The following SPECC1 variants were observed in gnomAD, a reference collection of about 807,000 sequenced individuals.
SPECC1 encodes cytospin-B.
SPECC1 carries 62 observed loss-of-function variants against 104.1 expected under a neutral mutation model. The observed-to-expected ratio is 0.60, with a 90% CI of 0.49 to 0.74. SPECC1 has a LOEUF of 0.74. Among genes scored for constraint, SPECC1 ranks in the 30% least tolerant of loss-of-function variants. SPECC1 has a pLI of 0.00. For synonymous variants in SPECC1, 513 were observed against 501.6 expected (o/e 1.02, Z -0.30); for missense variants, 1,306 against 1,310.5 (o/e 1.00, Z 0.05).
At chr17:20,022,216 C>G (rs997012881) in intron 1 of SPECC1, among the ~76,000 whole-genome samples, 1 of 152,170 alleles carries the variant, frequency 6.6e-6, no homozygotes, top group Non-Finnish European at 1.5e-5. Flanking sequence ...GCTGGGATTA[C>G]AGGTGTGAGC....
chr17:20,202,535 C>A (rs569258557), intron 3 of SPECC1, among the ~76,000 whole-genome samples: 5 of 152,224 alleles, frequency 3.3e-5, no homozygotes, highest in African/African-American at 4.8e-5. Flanking sequence ...GCAAACAGAC[C>A]ATGTAAACTT....
At chr17:20,278,502 A>G (rs961593098) in intron 12 of SPECC1, among the ~76,000 whole-genome samples, 4 of 152,202 alleles carry the variant, frequency 2.6e-5, no homozygotes, top group East Asian at 1.9e-4. Context: ...TACAACATGC[A>G]GGAGAAAGTG....
At chr17:20,292,416 C>T (rs1286706782) in intron 12 of SPECC1, among the ~76,000 whole-genome samples, 1 of 151,998 alleles carries the variant, frequency 6.6e-6, no homozygotes, top group Non-Finnish European at 1.5e-5. Context: ...CTGCAACCTC[C>T]ACCTCCCAGG....
At chr17:20,119,267 G>T (rs1165364711) in intron 3 of SPECC1, among the ~76,000 whole-genome samples, 1 of 152,062 alleles carries the variant, frequency 6.6e-6, no homozygotes, top group Non-Finnish European at 1.5e-5. Context: ...TTTTGAGACG[G>T]AGTTTCGCTC....
intron 3 of SPECC1, chr17:20,156,279 C>G: frequency 8.2e-7 from 1 of 1,213,654 alleles, no homozygotes; most frequent in Non-Finnish European, 1.0e-6. Context: ...CGCAACCCCA[C>G]CCCCCCTCCA....
intron 14 of SPECC1, 80 bp downstream of exon 14, chr17:20,306,162 G>A (rs758793838): frequency 3.3e-5 from 44 of 1,319,634 alleles, no homozygotes; most frequent in Non-Finnish European, 4.8e-5. Context: ...ACAGTTTCTC[G>A]TAGAACATTG....
intron 1 of SPECC1, among the ~76,000 whole-genome samples, chr17:20,010,913 T>G (rs76012736): frequency 6.6e-6 from 1 of 152,180 alleles, no homozygotes; most frequent in Admixed American, 6.5e-5. Context: ...CCAAATGCTT[T>G]TGTGTAGCAT....
chr17:20,015,817 C>T (rs1298360153), intron 1 of SPECC1, among the ~76,000 whole-genome samples: 1 of 149,824 alleles, frequency 6.7e-6, no homozygotes, highest in African/African-American at 2.4e-5. Context: ...ATCTCCTGAC[C>T]TCGTGATCCG....
At chr17:20,185,656 G>A (rs1444916780) in intron 3 of SPECC1, among the ~76,000 whole-genome samples, 2 of 151,920 alleles carry the variant, frequency 1.3e-5, no homozygotes, top group African/African-American at 4.8e-5. Context: ...TGGCAGGAAT[G>A]TAAGGGTTAG....
intron 12 of SPECC1, among the ~76,000 whole-genome samples, chr17:20,292,226 C>T (rs971033645): frequency 6.6e-6 from 1 of 152,034 alleles, no homozygotes; most frequent in Non-Finnish European, 1.5e-5. Context: ...GTTAGAGGCC[C>T]TCCTTGTTTT....
At chr17:20,272,716 C>G (rs1263807631) in intron 12 of SPECC1, among the ~76,000 whole-genome samples, 2 of 152,164 alleles carry the variant, frequency 1.3e-5, no homozygotes, top group Non-Finnish European at 2.9e-5. Context: ...TCAAAATTTC[C>G]TTCCTTTTTA....
chr17:20,283,744 A>G (rs57318765), intron 12 of SPECC1, among the ~76,000 whole-genome samples: 2,597 of 151,802 alleles, frequency 0.017, 73 homozygotes, highest in African/African-American at 0.059. Context: ...ATGCCACCAC[A>G]TTTGGCTAAT....
intron 1 of SPECC1, among the ~76,000 whole-genome samples, chr17:20,078,898 T>C (rs889979313): frequency 2.0e-5 from 3 of 152,210 alleles, no homozygotes; most frequent in Non-Finnish European, 2.9e-5. Context: ...TATACTTCTG[T>C]GTTTGAATAT....
rs868682656 is a variant in SPECC1, at chr17:20,058,839, T to C, written c.-21-37792T>C. The stretch of plus-strand genomic sequence containing the variant: ...CATTTATTGTTCACTTTATTTCTTT[T>C]TTTTTTTTTTTTTTTTTTGAGACAG... On this transcript the variant is annotated intron_variant, in intron 1 of 14. Transcript: ENST00000395527. Among the ~76,000 whole-genome samples the C allele has an allele frequency of 2.4e-4, 34 of 139,606 alleles. 1 individual carries two copies. The South Asian group carries it at 3.9e-3, about 16-fold the overall frequency. 91.6% of individuals were successfully genotyped at this position (139,606 alleles called of 152,430 possible). A position where few individuals can be genotyped will look rare whatever the true frequency, so the allele number is the denominator to read the frequency against.
rs1298355380 is a variant in SPECC1 at position 20,135,263 on chromosome 17, A to C, written c.283+24701A>C. On this transcript the variant is annotated intron_variant, in intron 3 of 14. Coordinates refer to ENST00000395527, the MANE Select transcript of SPECC1 (RefSeq NM_001243439.2). ...TTACAGTACAGATGGTCAGAGTAGA[A>C]GTGTGTACTCTTGATACTTCCCTCT... Among the ~76,000 whole-genome samples the C allele has an allele frequency of 9.9e-5, 15 of 152,198 alleles. No homozygotes were observed. The East Asian group carries it at 1.3e-3, about 14-fold the overall frequency.
At position 20,232,184 on chromosome 17, in the gene SPECC1, G is replaced by A. The variant is rs753800257; in HGVS notation, c.2146-16G>A. Reference sequence around the variant, plus strand: ...TGGCAGGCGTCTGACATAAGGATGGGCTCTGACATTTTCAGGAGGAGACCG... The same window carrying A: ...TGGCAGGCGTCTGACATAAGGATGGACTCTGACATTTTCAGGAGGAGACCG... On this transcript the variant is annotated splice_polypyrimidine_tract_variant and intron_variant, in intron 6 of 14. Coordinates refer to ENST00000395527, the MANE Select transcript of SPECC1 (RefSeq NM_001243439.2). The A allele has an allele frequency of 6.2e-6, 10 of 1,613,458 alleles. No individual in the cohort carries two copies. In the Admixed American group the frequency reaches 1.5e-4, roughly 24 times the overall value.
At chr17:20,198,951 T>A (rs2036218852) in intron 3 of SPECC1, among the ~76,000 whole-genome samples, 1 of 152,206 alleles carries the variant, frequency 6.6e-6, no homozygotes, top group Admixed American at 6.5e-5. Context: ...ACCTCTGTGA[T>A]TGATTTATAG....
chr17:20,080,016 G>A (rs1340185361), intron 1 of SPECC1, among the ~76,000 whole-genome samples: 1 of 152,118 alleles, frequency 6.6e-6, no homozygotes, highest in Non-Finnish European at 1.5e-5. Context: ...GTTCTTTAAT[G>A]CCTCTTTTCA....
intron 1 of SPECC1, among the ~76,000 whole-genome samples, chr17:20,039,847 G>A (rs1278270638): frequency 6.6e-6 from 1 of 152,008 alleles, no homozygotes; most frequent in East Asian, 1.9e-4. Flanking sequence ...GTGAGTCACT[G>A]CACTCAGCCC....
Sources: allele counts gnomAD v4.1 joint callset (sites outside exome capture counted in the v4.1 genomes callset), GRCh38; gene constraint gnomAD v4.1.1; transcripts MANE v1.5; gene names NCBI Gene and HGNC (gene_info 2026-07-23, HGNC 2026-07-21).